The following C10orf90 variants were observed in gnomAD, a reference collection of about 807,000 sequenced individuals.
C10orf90 encodes the protein (E2-independent) E3 ubiquitin-conjugating enzyme FATS.
A neutral mutation model predicts 62.5 loss-of-function variants in C10orf90; 56 were observed. The ratio of observed to expected loss-of-function variants is 0.90; its 90% CI spans 0.72 to 1.12. C10orf90 has a LOEUF of 1.12. Ranked by LOEUF, C10orf90 falls within the 50% of genes most tolerant of loss-of-function variation. C10orf90 has a pLI of 0.00. For synonymous variants in C10orf90, 386 were observed against 340.4 expected (o/e 1.13, Z -1.47); for missense variants, 970 against 880.4 (o/e 1.10, Z -1.29).
intron 8 of C10orf90, among the ~76,000 whole-genome samples, chr10:126,426,338 G>C (rs1235543797): frequency 2.0e-5 from 3 of 152,192 alleles, no homozygotes; most frequent in Non-Finnish European, 4.4e-5. Flanking sequence ...TCCCACCAGG[G>C]GCAAAGCTGG....
chr10:126,451,133 A>C (rs1859154773), intron 7 of C10orf90, among the ~76,000 whole-genome samples: 1 of 152,220 alleles, frequency 6.6e-6, no homozygotes, highest in African/African-American at 2.4e-5. Context: ...TTAAAACTGC[A>C]ATGAGCTAGC....
At chr10:126,505,784 G>A (rs762087042) in intron 3 of C10orf90, among the ~76,000 whole-genome samples, 2 of 152,012 alleles carry the variant, frequency 1.3e-5, no homozygotes, top group African/African-American at 2.4e-5. Context: ...GAGAAACCCC[G>A]TCTCCACTAA....
At position 126,457,887 on chromosome 10, in the gene C10orf90, T is replaced by C. The variant is rs138230199; in HGVS notation, c.2188+1153A>G. Among the ~76,000 whole-genome samples the C allele has an allele frequency of 6.6e-5, 10 of 152,344 alleles. No homozygotes were observed. The East Asian group carries it at 1.9e-3, about 29-fold the overall frequency. ...GAACCTTTATCTGCCAATGGACTTATAGCACTGGTTAGAGACACATTTTCC... is the reference window on the plus strand; with the variant it reads ...GAACCTTTATCTGCCAATGGACTTACAGCACTGGTTAGAGACACATTTTCC... On this transcript the variant is annotated intron_variant, in intron 7 of 9. Transcript: ENST00000488181.
At chr10:126,508,711 C>A (rs1052470870) in intron 3 of C10orf90, among the ~76,000 whole-genome samples, 4 of 152,130 alleles carry the variant, frequency 2.6e-5, no homozygotes, top group Non-Finnish European at 5.9e-5. Context: ...GGCTACAGGA[C>A]CTTGGACAGG....
intron 2 of C10orf90, among the ~76,000 whole-genome samples, chr10:126,571,550 A>T (rs553887456): frequency 6.6e-6 from 1 of 152,316 alleles, no homozygotes; most frequent in South Asian, 2.1e-4. Context: ...ATGAATAATG[A>T]ATATACTCTC....
At chr10:126,513,998 T>C (rs565628796) in intron 2 of C10orf90, 59 bp from the exon 3 acceptor site, 6 of 1,219,216 alleles carry the variant, frequency 4.9e-6, no homozygotes, top group Non-Finnish European at 7.1e-6. Context: ...AAATGGAATA[T>C]ATAACTCTAC....
intron 7 of C10orf90, among the ~76,000 whole-genome samples, chr10:126,437,131 G>T (rs577731610): frequency 6.6e-6 from 1 of 152,244 alleles, no homozygotes; most frequent in Non-Finnish European, 1.5e-5. Context: ...TCTTTACAGG[G>T]GTTTTGTGTG....
intron 2 of C10orf90, among the ~76,000 whole-genome samples, chr10:126,601,921 C>T (rs927451724): frequency 7.2e-5 from 11 of 152,230 alleles, no homozygotes; most frequent in African/African-American, 2.4e-4. Context: ...ACCTCGCTCT[C>T]GTTTATAGCT....
intron 2 of C10orf90, among the ~76,000 whole-genome samples, chr10:126,643,265 T>G (rs1846101254): frequency 6.6e-6 from 1 of 152,128 alleles, no homozygotes. Context: ...TAAAACAGAG[T>G]GAGTCCCCTG....
chr10:126,625,350 C>T (rs924799991), intron 2 of C10orf90, among the ~76,000 whole-genome samples: 16 of 152,114 alleles, frequency 1.1e-4, no homozygotes, highest in Non-Finnish European at 1.9e-4. Context: ...CATAGTGAGG[C>T]CCCTAGGAGG....
At chr10:126,426,570 A>C (rs1265410992) in intron 8 of C10orf90, among the ~76,000 whole-genome samples, 1 of 152,234 alleles carries the variant, frequency 6.6e-6, no homozygotes, top group Admixed American at 6.5e-5. Context: ...TACTGTAATA[A>C]AACACATATA....
chr10:126,569,006 G>T (rs1482729685), intron 2 of C10orf90, among the ~76,000 whole-genome samples: 1 of 152,184 alleles, frequency 6.6e-6, no homozygotes, highest in African/African-American at 2.4e-5. Context: ...CTGGGGGCAG[G>T]GCTGGGGTGA....
At chr10:126,617,223 C>A (rs781252127) in intron 2 of C10orf90, among the ~76,000 whole-genome samples, 6 of 152,194 alleles carry the variant, frequency 3.9e-5, no homozygotes, top group South Asian at 4.1e-4. Flanking sequence ...CCCACCCCAA[C>A]AGAGAAAACA....
At chr10:126,426,744 G>A (rs554984880) in intron 8 of C10orf90, among the ~76,000 whole-genome samples, 34 of 152,134 alleles carry the variant, frequency 2.2e-4, no homozygotes, top group Admixed American at 7.9e-4. Flanking sequence ...TGTAGCCTGA[G>A]TATTTGGATT....
intron 2 of C10orf90, among the ~76,000 whole-genome samples, chr10:126,531,317 T>C (rs1864089609): frequency 6.6e-6 from 1 of 152,132 alleles, no homozygotes; most frequent in African/African-American, 2.4e-5. Context: ...GTCACCTTTG[T>C]GGGAGAATGC....
At chr10:126,564,232 G>A (rs1311191136) in intron 2 of C10orf90, among the ~76,000 whole-genome samples, 1 of 152,062 alleles carries the variant, frequency 6.6e-6, no homozygotes, top group Non-Finnish European at 1.5e-5. Flanking sequence ...TCCACGCTGA[G>A]CATTTTAGTC....
chr10:126,458,353 A>G (rs925623209), intron 7 of C10orf90, among the ~76,000 whole-genome samples: 4 of 152,118 alleles, frequency 2.6e-5, no homozygotes, highest in Non-Finnish European at 4.4e-5. Flanking sequence ...AGATTTTAAG[A>G]TTTGGGTTGG....
intron 2 of C10orf90, among the ~76,000 whole-genome samples, chr10:126,641,839 T>C (rs1846064621): frequency 6.6e-6 from 1 of 152,170 alleles, no homozygotes; most frequent in Non-Finnish European, 1.5e-5. Flanking sequence ...ACTAATCTTT[T>C]ACACAGGCCA....
intron 2 of C10orf90, among the ~76,000 whole-genome samples, chr10:126,517,956 C>A (rs1263603542): frequency 1.3e-5 from 2 of 151,570 alleles, no homozygotes; most frequent in Admixed American, 1.3e-4. Flanking sequence ...GACAACTCTG[C>A]CTTTTATGCT....
Sources: allele counts gnomAD v4.1 joint callset (sites outside exome capture counted in the v4.1 genomes callset), GRCh38; gene constraint gnomAD v4.1.1; transcripts MANE v1.5; gene names NCBI Gene and HGNC (gene_info 2026-07-23, HGNC 2026-07-21).